Variants in ZNG1A observed in about 807,000 individuals in gnomAD.
ZNG1A encodes the protein Zn regulated GTPase metalloprotein activator 1A.
At chr9:157,290 T>TC in the ZNG1A span, among the ~76,000 whole-genome samples, 1 of 149,840 alleles carries the variant, frequency 6.7e-6, no homozygotes, top group East Asian at 1.9e-4. Flanking sequence ...TTGTCTGTTT[T>TC]TTTTTTTTTC....
the ZNG1A span, among the ~76,000 whole-genome samples, chr9:140,682 C>G: frequency 6.6e-6 from 1 of 152,112 alleles, no homozygotes; most frequent in African/African-American, 2.4e-5. Context: ...CGGAACAAAG[C>G]TGGAGGGAGA....
At chr9:177,419 T>C in the ZNG1A span, among the ~76,000 whole-genome samples, 1 of 151,634 alleles carries the variant, frequency 6.6e-6, no homozygotes, top group Non-Finnish European at 1.5e-5. Context: ...TTTGGGGGGA[T>C]GGTAACAGAC....
chr9:128,647 AT>A, the ZNG1A span, among the ~76,000 whole-genome samples: 1 of 149,506 alleles, frequency 6.7e-6, no homozygotes, highest in South Asian at 2.1e-4. Flanking sequence ...CCTTAGCTTA[AT>A]AACCAACCTA....
the ZNG1A span, chr9:160,171 A>G: frequency 1.5e-5 from 7 of 454,614 alleles, no homozygotes; most frequent in Admixed American, 1.4e-4. Flanking sequence ...TTTCACATCA[A>G]TGGGTGACAA....
chr9:153,995 C>G, the ZNG1A span: 1 of 152,172 alleles, frequency 6.6e-6, no homozygotes, highest in East Asian at 1.9e-4. Context: ...TGAACTATAA[C>G]CTCATTTGAA....
the ZNG1A span, among the ~76,000 whole-genome samples, chr9:140,325 C>G: frequency 6.6e-6 from 1 of 151,764 alleles, no homozygotes; most frequent in Non-Finnish European, 1.5e-5. Flanking sequence ...TGAGAACGGG[C>G]AGACTGCCTC....
At chr9:143,275 C>A in the ZNG1A span, among the ~76,000 whole-genome samples, 2 of 148,998 alleles carry the variant, frequency 1.3e-5, no homozygotes, top group African/African-American at 5.0e-5. Context: ...CCTTGATGAA[C>A]ATTGATGTAA....
chr9:147,010 T>C, the ZNG1A span: 2 of 150,674 alleles, frequency 1.3e-5, no homozygotes, highest in African/African-American at 4.9e-5. Context: ...AAACCCTGTC[T>C]CTACCAAAAA....
the ZNG1A span, chr9:177,923 G>C: frequency 6.7e-7 from 1 of 1,487,016 alleles, no homozygotes; most frequent in Non-Finnish European, 9.1e-7. Flanking sequence ...AACAAAAGCA[G>C]TTATTTCTTA....
At chr9:171,872 A>C in the ZNG1A span, 1 of 629,880 alleles carries the variant, frequency 1.6e-6, no homozygotes, top group Non-Finnish European at 2.8e-6. Flanking sequence ...AATTCTATTA[A>C]CAGCTTAAAA....
the ZNG1A span, among the ~76,000 whole-genome samples, chr9:160,621 T>C: frequency 6.6e-6 from 1 of 151,778 alleles, no homozygotes; most frequent in South Asian, 2.1e-4. Context: ...TCCATCATGC[T>C]GATAATAGAT....
At chr9:148,574 T>A in the ZNG1A span, 1 of 105,640 alleles carries the variant, frequency 9.5e-6, no homozygotes, top group African/African-American at 3.8e-5. Context: ...AGCATTAAAA[T>A]CGCCAAGAAA....
chr9:132,263 C>T, the ZNG1A span, among the ~76,000 whole-genome samples: 1 of 149,222 alleles, frequency 6.7e-6, no homozygotes, highest in Non-Finnish European at 1.5e-5. Flanking sequence ...GTGGCTCACG[C>T]CTGTAATCCC....
the ZNG1A span, chr9:172,284 T>A: frequency 7.1e-7 from 1 of 1,405,606 alleles, no homozygotes; most frequent in Non-Finnish European, 9.8e-7. Context: ...CCCTTGGGAA[T>A]GTGAAAATTT....
the ZNG1A span, chr9:160,098 C>T: frequency 4.4e-6 from 2 of 454,656 alleles, no homozygotes; most frequent in South Asian, 3.1e-5. Flanking sequence ...GTGTCAAGTC[C>T]TCAGAATAGA....
the ZNG1A span, among the ~76,000 whole-genome samples, chr9:173,651 G>C: frequency 7.2e-4 from 109 of 152,128 alleles, 1 homozygote; most frequent in Middle Eastern, 3.4e-3. Context: ...TCTTAATAAA[G>C]TAGCTATCTT....
At chr9:167,684 A>G in the ZNG1A span, 1 of 150,322 alleles carries the variant, frequency 6.7e-6, no homozygotes, top group African/African-American at 2.5e-5. Context: ...GAATATGATC[A>G]ACATGAAACT....
chr9:175,161 C>A, the ZNG1A span, among the ~76,000 whole-genome samples: 2 of 152,124 alleles, frequency 1.3e-5, no homozygotes, highest in African/African-American at 4.8e-5. Flanking sequence ...GGGTGGATCA[C>A]AAGGCCAGGA....
chr9:171,549 G>A, the ZNG1A span: 1 of 155,390 alleles, frequency 6.4e-6, no homozygotes, highest in African/African-American at 2.4e-5. Flanking sequence ...TTCCTGTCAT[G>A]ATTCCCTTAT....
Sources: gnomAD v4.1 joint callset for allele counts (sites outside exome capture counted in the v4.1 genomes callset) on GRCh38, gnomAD v4.1.1 for gene constraint, MANE v1.5 for transcripts, NCBI Gene and HGNC (gene_info 2026-07-23, HGNC 2026-07-21) for gene names.